Variants in EIF3G observed in about 807,000 individuals in gnomAD.
EIF3G encodes the protein eukaryotic translation initiation factor 3 RNA-binding subunit.
EIF3G carries 10 observed loss-of-function variants against 41.7 expected under a neutral mutation model. That is an observed-to-expected ratio of 0.24 (90% CI 0.15 to 0.41). EIF3G has a LOEUF of 0.41. Ranked by LOEUF, EIF3G falls within the 10% of genes least tolerant of loss-of-function variation. The pLI, the probability that EIF3G is intolerant of heterozygous loss-of-function variation, is 1.00. For missense variants in EIF3G, 297 were observed against 444.0 expected, an observed-to-expected ratio of 0.67 and a Z score of 2.98; for synonymous variants, 204 against 172.5, an observed-to-expected ratio of 1.18 and a Z score of -1.43.
rs769820374 is a variant in EIF3G at position 10,119,888 on chromosome 19, G to T, written c.-29C>A. ...AAAAAGTATTCTCCACGCAGCCCAA[G>T]CCCGGCCAGAGAGCGGAAGCGGGCG... On this transcript the variant is annotated 5_prime_UTR_variant, in exon 1 of 11. Coordinates refer to ENST00000253108, the MANE Select transcript of EIF3G (RefSeq NM_003755.5). 2.0e-5 allele frequency: 32 copies of T among 1,614,076 alleles called. No individual in the cohort carries two copies. The highest frequency in any genetic ancestry group is 2.5e-5 in the Non-Finnish European group (29 of 1,180,022).
Position 10,115,974 on chromosome 19 carries a change from G to A in EIF3G, c.696C>T (p.Asn232=). The A allele has an allele frequency of 6.2e-7, 1 of 1,613,384 alleles. No individual in the cohort carries two copies. Among genetic ancestry groups the A allele is most frequent in the South Asian group, 1.1e-5 (1 of 91,006 alleles). The change falls in exon 8 of 11, where the codon AAC becomes AAT. Residue 232 remains asparagine, a synonymous_variant. Transcript: ENST00000253108. ...CGTCGGGGTGCCCCTCACCTCTGCG[G>A]TTGGGCTGCATGGACTCCCCGCGGC... ...ASRRGESMQP[N]RRADDNATIR...
chr19:10,116,962 G>T lies in EIF3G; in HGVS notation c.433C>A (p.Pro145Thr), dbSNP rs1310154623. 6.2e-7 allele frequency: 1 copy of T among 1,612,646 alleles called. No homozygotes were observed. Among genetic ancestry groups the T allele is most frequent in the Non-Finnish European group, 8.5e-7 (1 of 1,179,196 alleles). Residue 145 changes from proline (P) to threonine (T), a missense_variant, in exon 7 of 11, where the codon CCT (proline) becomes ACT (threonine). Around this residue, in one of 4 missense-constraint regions of EIF3G, gnomAD observed 26 missense variants for 80.8 expected, o/e 0.32. Transcript: ENST00000253108. The surrounding 1 kb of genome is among the most constrained non-coding windows in gnomAD (Gnocchi z 4.1). Reference protein sequence around the residue: ...EDLNCQEEEDPMNKLKGQKIV... With the variant: ...EDLNCQEEEDTMNKLKGQKIV... ...TTCTGGCCCTTGAGTTTGTTCATAG[G>T]GTCCTCCTCCTCCTGGCAGTTCAGG...
Position 10,118,339 on chromosome 19 carries a change from G to A in EIF3G, c.300+329C>T, listed in dbSNP as rs4804487. On this transcript the variant is annotated intron_variant, in intron 5 of 10. Transcript: ENST00000253108. ...CCAACACTTTGGGAGGCCTAGGTGCGCAGATCATGTGAGGTCAGGAGTTCG... is the reference window on the plus strand; with the variant it reads ...CCAACACTTTGGGAGGCCTAGGTGCACAGATCATGTGAGGTCAGGAGTTCG... The A allele has an allele frequency of 0.03, 9,996 of 330,294 alleles. 973 individuals are homozygous for A. The East Asian group carries it at 0.33, about 11-fold the overall frequency. 20.5% of individuals were successfully genotyped at this position (330,294 alleles called of 1,614,324 possible).
In EIF3G at chr19:10,117,126, A is replaced by G. The variant is rs757111239; in HGVS notation, c.363T>C (p.Thr121=). The G allele has an allele frequency of 1.2e-6, 2 of 1,613,494 alleles. No individual in the cohort carries two copies. The highest frequency in any genetic ancestry group is 2.2e-5 in the East Asian group (1 of 44,862). The part of the protein sequence containing the change: ...DPPGPNVATT[T]VSDDVSMTFI... ...ACGTCATAGAGACATCGTCACTGAC[A>G]GTGGTGGTGGCCACATTGGGTCCGG... is the stretch of plus-strand genomic sequence containing the variant. The change falls in exon 6 of 11, where the codon ACT becomes ACC. Residue 121 remains threonine, a synonymous_variant. Coordinates refer to ENST00000253108, the MANE Select transcript of EIF3G (RefSeq NM_003755.5).
chr19:10,116,424 G>A lies in EIF3G; in HGVS notation c.596-350C>T, dbSNP rs528633420. 5 of 492,780 alleles carry A rather than the reference G, an allele frequency of 1.0e-5. No homozygotes were observed. The highest frequency in any genetic ancestry group is 9.8e-5 in the South Asian group (4 of 41,024). 30.5% of individuals were successfully genotyped at this position (492,780 alleles called of 1,614,324 possible). ...CTCGCGTGGCAGGCGACAAGTGCAC[G>A]TCTGCACTCTCACACTCGCCACCAG... On this transcript the variant is annotated intron_variant, in intron 7 of 10. Coordinates refer to ENST00000253108, the MANE Select transcript of EIF3G (RefSeq NM_003755.5). The surrounding 1 kb of genome is among the most constrained non-coding windows in gnomAD (Gnocchi z 4.1).
chr19:10,119,458 G>C (rs2089287579), intron 2 of EIF3G, 196 bp downstream of exon 2: 1 of 768,690 alleles, frequency 1.3e-6, no homozygotes, highest in Admixed American at 2.0e-5. Context: ...GAACAGCTGG[G>C]AGGCAGTGGC....
rs1568495081 is a variant in EIF3G, at chr19:10,116,430, A to G, written c.596-356T>C. The G allele has an allele frequency of 1.9e-5, 9 of 482,626 alleles. No individual in the cohort carries two copies. Among genetic ancestry groups the G allele is most frequent in the Admixed American group, 7.4e-5 (2 of 26,974 alleles). 29.9% of individuals were successfully genotyped at this position (482,626 alleles called of 1,614,324 possible). ...TGGCAGGCGACAAGTGCACGTCTGC[A>G]CTCTCACACTCGCCACCAGCAAATC... On this transcript the variant is annotated intron_variant, in intron 7 of 10. Coordinates refer to ENST00000253108, the MANE Select transcript of EIF3G (RefSeq NM_003755.5). The surrounding 1 kb of genome is among the most constrained non-coding windows in gnomAD (Gnocchi z 4.1).
Position 10,119,890 on chromosome 19 carries a change from C to A in EIF3G, c.-31G>T, listed in dbSNP as rs2089292322. On this transcript the variant is annotated 5_prime_UTR_variant, in exon 1 of 11. Transcript: ENST00000253108. Reference sequence around the variant, plus strand: ...AAAGTATTCTCCACGCAGCCCAAGCCCGGCCAGAGAGCGGAAGCGGGCGAA... The same window carrying A: ...AAAGTATTCTCCACGCAGCCCAAGCACGGCCAGAGAGCGGAAGCGGGCGAA... 6.2e-7 allele frequency: 1 copy of A among 1,614,120 alleles called. No homozygotes were observed. Among genetic ancestry groups the A allele is most frequent in the Non-Finnish European group, 8.5e-7 (1 of 1,180,038 alleles).
chr19:10,116,273 T>TGGAGGAGGA lies in EIF3G; in HGVS notation c.596-208_596-200dup. 1.6e-6 allele frequency: 1 copy of TGGAGGAGGA among 608,752 alleles called. No homozygotes were observed. Among genetic ancestry groups the TGGAGGAGGA allele is most frequent in the Non-Finnish European group, 2.9e-6 (1 of 345,974 alleles). 37.7% of individuals were successfully genotyped at this position (608,752 alleles called of 1,614,324 possible). A position where few individuals can be genotyped will look rare whatever the true frequency, so the allele number is the denominator to read the frequency against. Reference sequence around the variant, plus strand: ...TTGAGCTCCCAGCCAGCGACACTGGTGGAGGAGGAGGAGGAGGAGCCCCGA... The same window carrying TGGAGGAGGA: ...TTGAGCTCCCAGCCAGCGACACTGGTGGAGGAGGAGGAGGAGGAGGAGGAGGAGCCCCGA... On this transcript the variant is annotated intron_variant, in intron 7 of 10. Transcript: ENST00000253108. The surrounding 1 kb of genome is among the most constrained non-coding windows in gnomAD (Gnocchi z 4.1).
intron 10 of EIF3G, 101 bp from the exon 11 acceptor site, chr19:10,115,230 AAT>A: frequency 6.8e-7 from 1 of 1,471,244 alleles, no homozygotes; most frequent in Non-Finnish European, 9.3e-7. Flanking sequence ...AGGACGGGGT[AAT>A]GTGAGGACGA....
At chr19:10,115,210 G>T in intron 10 of EIF3G, 81 bp from the exon 11 acceptor site, 1 of 1,561,002 alleles carries the variant, frequency 6.4e-7, no homozygotes, top group East Asian at 2.3e-5. Flanking sequence ...TCTTGGGGGT[G>T]GGTGGGCAGA....
At chr19:10,117,529 T>A in intron 5 of EIF3G, 1 of 261,248 alleles carries the variant, frequency 3.8e-6, no homozygotes, top group Non-Finnish European at 7.2e-6. Context: ...CTAGACAACC[T>A]GAGCCTCAGC....
chr19:10,116,765 C>G lies in EIF3G; in HGVS notation c.595+35G>C. The G allele has an allele frequency of 6.5e-7, 1 of 1,536,312 alleles. No homozygotes were observed. Among genetic ancestry groups the G allele is most frequent in the Non-Finnish European group, 8.8e-7 (1 of 1,140,414 alleles). On this transcript the variant is annotated intron_variant, in intron 7 of 10. Transcript: ENST00000253108. This position sits in a 1 kb window ranked among gnomAD's most constrained non-coding sequence, Gnocchi z 4.1. ...CGAAGGCAGCAGTGGGGACAGAACCCGTGCACTGACAGCAGGACCCTCCCA... is the reference window on the plus strand; with the variant it reads ...CGAAGGCAGCAGTGGGGACAGAACCGGTGCACTGACAGCAGGACCCTCCCA...
chr19:10,119,031 A>G (rs1360569491), intron 3 of EIF3G, 57 bp downstream of exon 3: 1 of 1,609,958 alleles, frequency 6.2e-7, no homozygotes, highest in Non-Finnish European at 8.5e-7. Flanking sequence ...CTGGAGGGAG[A>G]GGCAGCCCGG....
At chr19:10,115,452 G>A (rs1340516767) in intron 10 of EIF3G, 27 bp downstream of exon 10, 1 of 1,586,724 alleles carries the variant, frequency 6.3e-7, no homozygotes, top group Non-Finnish European at 8.6e-7. Flanking sequence ...GCAGGGAGCA[G>A]GGGCTGGGGC....
Position 10,119,099 on chromosome 19 carries a change from AGCTCTG to A in EIF3G, c.134_139del (p.Pro45_Glu46del). ...CAGTCCTCACTCACCTCCCGGCAGT[AGCTCTG>A]GCTCTGGGCTGGTGTCACCTGTGGC... On this transcript the variant is annotated inframe_deletion, in exon 3 of 11. Transcript: ENST00000253108. 6.3e-7 allele frequency: 1 copy of A among 1,591,708 alleles called. No homozygotes were observed. Among genetic ancestry groups the A allele is most frequent in the South Asian group, 1.1e-5 (1 of 88,574 alleles).
chr19:10,117,314 T>G (rs1462950536), intron 5 of EIF3G, 126 bp from the exon 6 acceptor site: 2 of 674,658 alleles, frequency 3.0e-6, no homozygotes. Context: ...TTCATCCTCC[T>G]CAAGCACTCC....
At chr19:10,118,584 A>C (rs777858815) in intron 5 of EIF3G, 84 bp downstream of exon 5, 2 of 1,139,752 alleles carry the variant, frequency 1.8e-6, no homozygotes, top group African/African-American at 1.6e-5. Context: ...AAAAAAAAAG[A>C]GTTAAGCCCC....
chr19:10,115,490 G>A lies in EIF3G; in HGVS notation c.936C>T (p.Val312=), dbSNP rs149739513. The change falls in exon 10 of 11, where the codon GTC becomes GTT. Residue 312 remains valine, a synonymous_variant. Coordinates refer to ENST00000253108, the MANE Select transcript of EIF3G (RefSeq NM_003755.5). ...GFGYDHLILN[V]EWAKPSTN is the part of the protein sequence containing the mutation. ...GGATGGAGTCTTACTTGGCCCACTCGACGTTGAGGATGAGGTGGTCGTAGC... is the reference window on the plus strand; with the variant it reads ...GGATGGAGTCTTACTTGGCCCACTCAACGTTGAGGATGAGGTGGTCGTAGC... The A allele has an allele frequency of 1.7e-4, 281 of 1,611,048 alleles. No homozygotes were observed. The highest frequency in any genetic ancestry group is 9.9e-4 in the Middle Eastern group (6 of 6,044).
Sources: gnomAD v4.1 joint callset for allele counts on GRCh38, gnomAD v4.1.1 for gene constraint, gnomAD v4.1.1 regional missense constraint, Gnocchi (gnomAD v3.1) non-coding constraint, MANE v1.5 for transcripts, NCBI Gene and HGNC (gene_info 2026-07-23, HGNC 2026-07-21) for gene names.